KALRN: variants seen among roughly 807,000 people sequenced by gnomAD.
KALRN encodes kalirin.
A neutral mutation model predicts 353.7 loss-of-function variants in KALRN; 70 were observed. The observed-to-expected ratio is 0.20, with a 90% CI of 0.16 to 0.24. KALRN has a LOEUF of 0.24. Ranked by LOEUF, KALRN falls within the 10% of genes least tolerant of loss-of-function variation. KALRN has a pLI of 1.00. For missense variants in KALRN, 2,791 were observed against 3,756.7 expected, an observed-to-expected ratio of 0.74 and a Z score of 6.72; for synonymous variants, 1,391 against 1,434.8, an observed-to-expected ratio of 0.97 and a Z score of 0.69.
intron 25 of KALRN, among the ~76,000 whole-genome samples, chr3:124,467,378 C>T (rs1455929442): frequency 6.6e-6 from 1 of 152,190 alleles, no homozygotes; most frequent in Admixed American, 6.5e-5. Context: ...AGCCTCTGCC[C>T]TCTGGGTTCT....
At chr3:124,635,309 C>T (rs190035745) in intron 36 of KALRN, among the ~76,000 whole-genome samples, 2 of 152,304 alleles carry the variant, frequency 1.3e-5, no homozygotes, top group East Asian at 1.9e-4. Context: ...ATGTCTCACA[C>T]AGCCCTCTGT....
In KALRN at chr3:124,146,462, C is replaced by G. The variant is rs532495583; in HGVS notation, c.74-81528C>G. Among the ~76,000 whole-genome samples, 268 of 152,056 alleles carry G rather than the reference C, an allele frequency of 1.8e-3. 1 individual carries two copies. The highest frequency in any genetic ancestry group is 6.3e-3 in the African/African-American group (262 of 41,478). ...TTAGAATAAAAGCAGAAAAAAAAAT[C>G]AAACTGAGCCTTCACTGCAAATGGC... is the stretch of plus-strand genomic sequence containing the variant. On this transcript the variant is annotated intron_variant, in intron 1 of 59. Transcript: ENST00000682506.
chr3:124,118,465 A>C (rs940934167), intron 1 of KALRN, among the ~76,000 whole-genome samples: 1 of 151,498 alleles, frequency 6.6e-6, no homozygotes, highest in Non-Finnish European at 1.5e-5. Context: ...AAAGATATAC[A>C]TGTGAACATT....
At chr3:124,242,215 A>G (rs2080547548) in intron 3 of KALRN, among the ~76,000 whole-genome samples, 1 of 152,236 alleles carries the variant, frequency 6.6e-6, no homozygotes, top group Non-Finnish European at 1.5e-5. Flanking sequence ...ATGTGGCTTA[A>G]AGACAGTAAA....
chr3:124,276,037 C>T, intron 5 of KALRN, among the ~76,000 whole-genome samples: 1 of 152,212 alleles, frequency 6.6e-6, no homozygotes, highest in South Asian at 2.1e-4. Flanking sequence ...CATGCACCCT[C>T]TACATCTGAG....
chr3:124,288,469 C>CA (rs1467347536), intron 5 of KALRN, among the ~76,000 whole-genome samples: 1 of 152,014 alleles, frequency 6.6e-6, no homozygotes. Flanking sequence ...AATTTGGCTG[C>CA]AAAAGATACT....
intron 30 of KALRN, 124 bp downstream of exon 30, chr3:124,491,008 A>G: frequency 1.2e-6 from 1 of 823,668 alleles, no homozygotes; most frequent in Non-Finnish European, 1.9e-6. Flanking sequence ...TCCTGGACAA[A>G]TGAAAATGTC....
At chr3:124,038,814 G>GT (rs2039666010) in intron 1 of KALRN, among the ~76,000 whole-genome samples, 1 of 152,166 alleles carries the variant, frequency 6.6e-6, no homozygotes. Context: ...AATTCTATAA[G>GT]TGACACCTTC....
At chr3:124,189,813 C>T (rs1490684041) in intron 1 of KALRN, among the ~76,000 whole-genome samples, 1 of 152,012 alleles carries the variant, frequency 6.6e-6, no homozygotes, top group Non-Finnish European at 1.5e-5. Flanking sequence ...GTGGCATGCG[C>T]CTGTAATCCC....
intron 33 of KALRN, among the ~76,000 whole-genome samples, chr3:124,543,998 A>G (rs966809105): frequency 6.6e-6 from 1 of 152,208 alleles, no homozygotes; most frequent in African/African-American, 2.4e-5. Flanking sequence ...CCCCAACTCT[A>G]GTTGCAGAGC....
chr3:124,165,446 G>T (rs1243100526), intron 1 of KALRN, among the ~76,000 whole-genome samples: 3 of 151,876 alleles, frequency 2.0e-5, no homozygotes, highest in Admixed American at 1.3e-4. Flanking sequence ...AACAAATTAC[G>T]TTCAATTACC....
intron 11 of KALRN, among the ~76,000 whole-genome samples, chr3:124,392,557 G>GT (rs569634416): frequency 1.2e-4 from 15 of 126,906 alleles, no homozygotes; most frequent in South Asian, 2.7e-4. Flanking sequence ...TGGAGACAGA[G>GT]TTTTTTTTGT....
intron 3 of KALRN, among the ~76,000 whole-genome samples, chr3:124,259,128 G>A (rs2072482370): frequency 6.6e-6 from 1 of 152,208 alleles, no homozygotes; most frequent in African/African-American, 2.4e-5. Context: ...AAGACTTCAG[G>A]TGAAGTCTAG....
At position 124,554,898 on chromosome 3, in the gene KALRN, C is replaced by A. The variant is rs889496923; in HGVS notation, c.4936-7945C>A. On this transcript the variant is annotated intron_variant, in intron 33 of 59. Coordinates refer to ENST00000682506, the MANE Select transcript of KALRN (RefSeq NM_001388419.1). ...TATCTGTACATCTTTTGGTTTCTCC[C>A]ATGAATGATTCTAAAATCTCCCTAA... Among the ~76,000 whole-genome samples, 11 of 152,276 alleles carry A rather than the reference C, an allele frequency of 7.2e-5. 1 individual carries two copies. Among genetic ancestry groups the A allele is most frequent in the Admixed American group, 5.9e-4 (9 of 15,286 alleles).
At chr3:124,385,530 C>T (rs1045502998) in intron 11 of KALRN, among the ~76,000 whole-genome samples, 1 of 152,052 alleles carries the variant, frequency 6.6e-6, no homozygotes, top group Non-Finnish European at 1.5e-5. Flanking sequence ...GGGATTTAAT[C>T]TTCTTAATGA....
intron 26 of KALRN, among the ~76,000 whole-genome samples, chr3:124,476,781 A>G (rs946395509): frequency 6.6e-6 from 1 of 152,144 alleles, no homozygotes. Context: ...ATGCCCCTCA[A>G]CCTTTCTCCA....
chr3:124,245,320 C>T (rs891827900), intron 3 of KALRN, among the ~76,000 whole-genome samples: 2 of 152,118 alleles, frequency 1.3e-5, no homozygotes, highest in African/African-American at 4.8e-5. Context: ...GATAAGATTT[C>T]ATTCTTTTTA....
intron 1 of KALRN, among the ~76,000 whole-genome samples, chr3:124,207,840 C>T (rs976223658): frequency 2.0e-5 from 3 of 152,192 alleles, no homozygotes; most frequent in Admixed American, 6.5e-5. Context: ...CAAAGTCCCA[C>T]GAAAGCAGCA....
At chr3:124,604,441 C>A (rs756606906) in intron 34 of KALRN, among the ~76,000 whole-genome samples, 5 of 152,130 alleles carry the variant, frequency 3.3e-5, no homozygotes, top group South Asian at 4.2e-4. Context: ...TTCTTTATAA[C>A]CTTGTGATCA....
Sources: gnomAD v4.1 joint callset for allele counts (sites outside exome capture counted in the v4.1 genomes callset) on GRCh38, gnomAD v4.1.1 for gene constraint, MANE v1.5 for transcripts, NCBI Gene and HGNC (gene_info 2026-07-23, HGNC 2026-07-21) for gene names.